The following ING3 variants were observed in gnomAD, a reference collection of about 807,000 sequenced individuals.
ING3 encodes inhibitor of growth family member 3.
ING3 carries 6 observed loss-of-function variants against 64.8 expected under a neutral mutation model. The ratio of observed to expected loss-of-function variants is 0.09; its 90% CI spans 0.05 to 0.18. The LOEUF (loss-of-function observed/expected upper bound fraction) is 0.18. Among genes scored for constraint, ING3 ranks in the 10% least tolerant of loss-of-function variants. The pLI, the probability that ING3 is intolerant of heterozygous loss-of-function variation, is 1.00. For missense variants in ING3, 310 were observed against 489.7 expected (o/e 0.63, Z 3.46); for synonymous variants, 170 against 173.7 (o/e 0.98, Z 0.17).
chr7:120,964,806 A>G lies in ING3; in HGVS notation c.332A>G (p.Asp111Gly), dbSNP rs762077982. Residue 111 changes from aspartate (D) to glycine (G), a missense_variant, in exon 5 of 12, where the codon GAT becomes GGT. Physicochemically the swap from Asp to Gly is moderately conservative, Grantham distance 94 (BLOSUM62 -1). This residue lies in a region of ING3 where 233 missense variants were observed against 289.4 expected (regional missense o/e 0.81). Transcript: ENST00000315870. ...LAKFKMELEA[D>G]NAGITEILER... The stretch of plus-strand genomic sequence containing the variant: ...AAGTTTAAAATGGAGCTGGAAGCTG[A>G]TAATGCTGGAATTACAGAAATATTA... The G allele has an allele frequency of 4.3e-6, 7 of 1,613,434 alleles. No homozygotes were observed. Among genetic ancestry groups the G allele is most frequent in the Non-Finnish European group, 8.5e-7 (1 of 1,179,642 alleles).
At chr7:120,956,682 T>TA (rs1795852604) in intron 4 of ING3, 1 of 983,564 alleles carries the variant, frequency 1.0e-6, no homozygotes, top group East Asian at 1.1e-4. Context: ...TACTGTGGAA[T>TA]AAAAACCAAA....
chr7:120,967,663 T>G lies in ING3; in HGVS notation c.556+15T>G, dbSNP rs1488719367. 6.3e-7 allele frequency: 1 copy of G among 1,577,258 alleles called. No homozygotes were observed. Among genetic ancestry groups the G allele is most frequent in the East Asian group, 2.2e-5 (1 of 44,498 alleles). ...AAATACACTAGGTAAGTTAATTTTC[T>G]TAAATATGATTGCTTTGTTTGTTTG... On this transcript the variant is annotated intron_variant, in intron 7 of 11. Transcript: ENST00000315870.
At chr7:120,956,110 GT>G (rs749021472) in intron 4 of ING3, 2 of 1,235,994 alleles carry the variant, frequency 1.6e-6, no homozygotes, top group East Asian at 2.3e-5. Context: ...TGTGTCAGTT[GT>G]TTAAGCAATA....
intron 3 of ING3, among the ~76,000 whole-genome samples, chr7:120,954,522 G>A (rs1380351677): frequency 1.3e-5 from 2 of 151,960 alleles, no homozygotes; most frequent in African/African-American, 4.8e-5. Flanking sequence ...CTACCACATG[G>A]AGGGAAGATT....
rs938219549 is a variant in ING3, at chr7:120,976,966, A to G, written c.*2122A>G. On this transcript the variant is annotated 3_prime_UTR_variant, in exon 12 of 12. Transcript: ENST00000315870. ...ATGGAACTACCTCATCAACCCCCCAAAAATGTGGCCAACTATTAATATTCT... is the reference window on the plus strand; with the variant it reads ...ATGGAACTACCTCATCAACCCCCCAGAAATGTGGCCAACTATTAATATTCT... 1.3e-5 allele frequency: 2 copies of G among 152,218 alleles called. No homozygotes were observed. Among genetic ancestry groups the G allele is most frequent in the African/African-American group, 2.4e-5 (1 of 41,462 alleles). The allele number at this position is 152,218 out of a possible 1,614,324, so 9.4% of individuals were successfully genotyped here. A position where few individuals can be genotyped will look rare whatever the true frequency, so the allele number is the denominator to read the frequency against.
chr7:120,966,853 G>C (rs114253383), intron 6 of ING3, among the ~76,000 whole-genome samples, 156 bp downstream of exon 6: 28 of 151,866 alleles, frequency 1.8e-4, no homozygotes, highest in Admixed American at 1.2e-3. Flanking sequence ...TTTTTCCTTG[G>C]GGGGAGCATA....
intron 4 of ING3, among the ~76,000 whole-genome samples, chr7:120,960,223 G>A (rs1407277233): frequency 6.6e-6 from 1 of 152,170 alleles, no homozygotes; most frequent in Non-Finnish European, 1.5e-5. Flanking sequence ...CCAAGAGAGA[G>A]GCCGGGGTGG....
Position 120,969,568 on chromosome 7 carries a change from A to AT in ING3, c.908+376dup, listed in dbSNP as rs78683827. On this transcript the variant is annotated intron_variant, in intron 9 of 11. Coordinates refer to ENST00000315870, the MANE Select transcript of ING3 (RefSeq NM_019071.3). ...ATGCAATGCAAATTATATCCTGGTG[A>AT]TTTTTTTTTTTTAAACAAGATTTTT... 3.5e-4 allele frequency among the ~76,000 whole-genome samples: 52 copies of AT among 146,626 alleles called. No homozygotes were observed. The East Asian group carries it at 4.7e-3, about 13-fold the overall frequency.
At chr7:120,959,529 AC>A (rs992001818) in intron 4 of ING3, among the ~76,000 whole-genome samples, 1 of 148,518 alleles carries the variant, frequency 6.7e-6, no homozygotes, top group African/African-American at 2.5e-5. Flanking sequence ...CTGCCCCATC[AC>A]CAACTTTTTG....
Position 120,969,098 on chromosome 7 carries a change from A to G in ING3, c.802A>G (p.Met268Val), listed in dbSNP as rs762854929. ...NDFQLGKEFS[M>V]ARETVGYSSS... The stretch of plus-strand genomic sequence containing the variant: ...CTTTCAGTTGGGAAAAGAATTTTCA[A>G]TGGCCAGGGAAACAGTTGGCTATTC... The change falls in exon 9 of 12, where the codon ATG (methionine) becomes GTG (valine). Residue 268 changes from methionine to valine, a missense_variant. Met to Val is a conservative substitution (Grantham distance 21, BLOSUM62 1). Around this residue, in one of 3 missense-constraint regions of ING3, gnomAD observed 233 missense variants for 289.4 expected, o/e 0.81. Coordinates refer to ENST00000315870, the MANE Select transcript of ING3 (RefSeq NM_019071.3). 11 of 1,613,988 alleles carry G rather than the reference A, an allele frequency of 6.8e-6. No homozygotes were observed. The highest frequency in any genetic ancestry group is 2.2e-5 in the East Asian group (1 of 44,886).
At chr7:120,951,998 T>C (rs1309732958) in intron 2 of ING3, among the ~76,000 whole-genome samples, 1 of 152,206 alleles carries the variant, frequency 6.6e-6, no homozygotes, top group East Asian at 1.9e-4. Context: ...CTGGCTTCTC[T>C]GCCCATGACC....
rs1796064245 is a variant in ING3, at chr7:120,971,037, T to C, written c.1101+157T>C. The C allele has an allele frequency of 9.8e-6, 8 of 812,298 alleles. No individual in the cohort carries two copies. The Middle Eastern group carries it at 1.1e-3, about 111-fold the overall frequency. The allele number at this position is 812,298 out of a possible 1,614,324, so 50.3% of individuals were successfully genotyped here. A position where few individuals can be genotyped will look rare whatever the true frequency, so the allele number is the denominator to read the frequency against. ...TTACAAAAGTGACATTTGCTGTAAA[T>C]ACTGAGTATAAAGAAAAATGTTACC... On this transcript the variant is annotated intron_variant, in intron 10 of 11. Coordinates refer to ENST00000315870, the MANE Select transcript of ING3 (RefSeq NM_019071.3).
chr7:120,959,775 A>G (rs982655127), intron 4 of ING3, among the ~76,000 whole-genome samples: 3 of 149,686 alleles, frequency 2.0e-5, no homozygotes, highest in African/African-American at 7.4e-5. Context: ...CCTCCCGAGT[A>G]GCTGGGATTA....
At position 120,951,322 on chromosome 7, in the gene ING3, T is replaced by C. The variant is rs572964406; in HGVS notation, c.100+87T>C. 2.2e-4 allele frequency: 277 copies of C among 1,266,456 alleles called. 2 individuals carry two copies. In the South Asian group the frequency reaches 3.1e-3, roughly 14 times the overall value. 78.5% of individuals were successfully genotyped at this position (1,266,456 alleles called of 1,614,324 possible). On this transcript the variant is annotated intron_variant, in intron 2 of 11. Coordinates refer to ENST00000315870, the MANE Select transcript of ING3 (RefSeq NM_019071.3). ...ATCACTGCTAGCGCCTAGTGCTCTT[T>C]CACTGTCCTCTGGCTCACTCCGCTA...
intron 2 of ING3, among the ~76,000 whole-genome samples, chr7:120,952,606 A>G (rs1329491841): frequency 6.6e-6 from 1 of 152,158 alleles, no homozygotes; most frequent in African/African-American, 2.4e-5. Context: ...AGAAATGCTT[A>G]TTTAAACAAA....
rs778334927 is a variant in ING3 at position 120,969,169 on chromosome 7, A to G, written c.873A>G (p.Ser291=). The part of the protein sequence containing the change: ...LMTTLTQNAS[S]SAADSRSGRK... Reference sequence around the variant, plus strand: ...CAACATTAACACAGAATGCCAGTTCATCAGCAGCCGACTCACGGAGTGGTC... The same window carrying G: ...CAACATTAACACAGAATGCCAGTTCGTCAGCAGCCGACTCACGGAGTGGTC... The change falls in exon 9 of 12, where the codon TCA becomes TCG. Residue 291 remains serine (S), a synonymous_variant. Coordinates refer to ENST00000315870, the MANE Select transcript of ING3 (RefSeq NM_019071.3). 6 of 1,613,934 alleles carry G rather than the reference A, an allele frequency of 3.7e-6. No individual in the cohort carries two copies. In the South Asian group the frequency reaches 5.5e-5, roughly 15 times the overall value.
At chr7:120,954,967 C>T (rs1190433356) in intron 3 of ING3, among the ~76,000 whole-genome samples, 1 of 152,128 alleles carries the variant, frequency 6.6e-6, no homozygotes, top group East Asian at 1.9e-4. Flanking sequence ...ATTTTAAATA[C>T]TGTTCATTAA....
At chr7:120,970,218 C>T (rs1364663574) in intron 9 of ING3, among the ~76,000 whole-genome samples, 1 of 152,062 alleles carries the variant, frequency 6.6e-6, no homozygotes, top group Non-Finnish European at 1.5e-5. Context: ...ATAATCCCAG[C>T]ACTTTGGGAG....
chr7:120,954,428 C>A (rs1176231079), intron 3 of ING3, among the ~76,000 whole-genome samples: 1 of 148,624 alleles, frequency 6.7e-6, no homozygotes, highest in Non-Finnish European at 1.5e-5. Context: ...AGTGAGACTC[C>A]GTCTCAAAAA....
Sources: allele counts gnomAD v4.1 joint callset (sites outside exome capture counted in the v4.1 genomes callset), GRCh38; gene constraint gnomAD v4.1.1; regional missense constraint gnomAD v4.1.1; transcripts MANE v1.5; gene names NCBI Gene and HGNC (gene_info 2026-07-23, HGNC 2026-07-21).